TMEM63C: variants seen among roughly 807,000 people sequenced by gnomAD.
The protein encoded by TMEM63C is osmosensitive cation channel TMEM63C.
TMEM63C carries 32 observed loss-of-function variants against 99.2 expected under a neutral mutation model. The ratio of observed to expected loss-of-function variants is 0.32; its 90% CI spans 0.24 to 0.43. The LOEUF is 0.43. Ranked by LOEUF, TMEM63C falls within the 20% of genes least tolerant of loss-of-function variation. TMEM63C has a pLI of 1.00. For synonymous variants in TMEM63C, 376 were observed against 397.9 expected (o/e 0.94, Z 0.66); for missense variants, 826 against 1,053.0 (o/e 0.78, Z 2.98).
At chr14:77,220,113 G>A (rs746347928) in intron 5 of TMEM63C, 26 bp downstream of exon 5, 2 of 1,548,884 alleles carry the variant, frequency 1.3e-6, no homozygotes, top group South Asian at 2.4e-5. Context: ...GGTCTGGGCG[G>A]TGGGAGTCCC....
intron 2 of TMEM63C, among the ~76,000 whole-genome samples, chr14:77,218,240 A>AGGTG (rs374116600): frequency 7.2e-6 from 1 of 138,388 alleles, no homozygotes; most frequent in Non-Finnish European, 1.6e-5. Flanking sequence ...TAAAAAAAAA[A>AGGTG]GAGGGGGGTG....
chr14:77,243,387 TG>T (rs1333970398), intron 15 of TMEM63C, among the ~76,000 whole-genome samples: 1 of 152,094 alleles, frequency 6.6e-6, no homozygotes, highest in Non-Finnish European at 1.5e-5. Flanking sequence ...CAGGCCAGCT[TG>T]GGGTCCAGAG....
chr14:77,248,413 C>T lies in TMEM63C; in HGVS notation c.1668C>T (p.Gly556=). 3.1e-6 allele frequency: 5 copies of T among 1,601,898 alleles called. No homozygotes were observed. Among genetic ancestry groups the T allele is most frequent in the Non-Finnish European group, 4.3e-6 (5 of 1,174,294 alleles). The stretch of plus-strand genomic sequence containing the variant: ...ACGTGATCACGGCAGCTTTACTTGG[C>T]ACAGGCATGGAGCTGCTGCGTCTGG... ...VNYVITAALL[G]TGMELLRLGS... Residue 556 remains glycine, a synonymous_variant, in exon 19 of 24, where the codon GGC becomes GGT. Transcript: ENST00000298351.
At chr14:77,217,405 C>T (rs1173773380) in intron 2 of TMEM63C, among the ~76,000 whole-genome samples, 1 of 152,258 alleles carries the variant, frequency 6.6e-6, no homozygotes, top group Non-Finnish European at 1.5e-5. Flanking sequence ...CATCCCTCCA[C>T]TTTGTCTCCC....
intron 18 of TMEM63C, among the ~76,000 whole-genome samples, chr14:77,247,753 G>A (rs1272354486): frequency 6.6e-6 from 1 of 151,764 alleles, no homozygotes; most frequent in East Asian, 2.0e-4. Context: ...TGCTCTATAA[G>A]GCAAGGACCA....
intron 21 of TMEM63C, 130 bp from the exon 22 acceptor site, chr14:77,251,659 T>C: frequency 2.9e-6 from 2 of 688,926 alleles, no homozygotes; most frequent in Non-Finnish European, 5.2e-6. Context: ...TAGATGCCAG[T>C]TGTTATCAGA....
chr14:77,240,223 C>T (rs1347888647), intron 12 of TMEM63C, among the ~76,000 whole-genome samples: 1 of 152,224 alleles, frequency 6.6e-6, no homozygotes, highest in Non-Finnish European at 1.5e-5. Flanking sequence ...TGGGGTCCAC[C>T]CCAAGCCTGA....
chr14:77,221,659 A>C (rs1183486210), intron 5 of TMEM63C, among the ~76,000 whole-genome samples: 18 of 53,468 alleles, frequency 3.4e-4, no homozygotes, highest in Admixed American at 8.8e-4. Context: ...CTCCCCTCCC[A>C]CCCACGCCTC....
chr14:77,229,607 C>T (rs1291234027), intron 6 of TMEM63C, among the ~76,000 whole-genome samples: 1 of 88,766 alleles, frequency 1.1e-5, no homozygotes, highest in African/African-American at 4.4e-5. Flanking sequence ...GCTACCACAC[C>T]CAGCTAATAT....
intron 14 of TMEM63C, among the ~76,000 whole-genome samples, chr14:77,242,701 A>AT (rs3214404): frequency 0.2 from 30,041 of 150,806 alleles, 3,873 homozygotes; most frequent in African/African-American, 0.37. Flanking sequence ...ACTCAGGTCC[A>AT]TTTTTTTTTG....
chr14:77,217,406 T>C (rs1888608608), intron 2 of TMEM63C, among the ~76,000 whole-genome samples: 1 of 152,230 alleles, frequency 6.6e-6, no homozygotes, highest in African/African-American at 2.4e-5. Flanking sequence ...ATCCCTCCAC[T>C]TTGTCTCCCC....
At chr14:77,206,966 T>A (rs1030346333) in intron 1 of TMEM63C, among the ~76,000 whole-genome samples, 1 of 152,200 alleles carries the variant, frequency 6.6e-6, no homozygotes, top group African/African-American at 2.4e-5. Flanking sequence ...TTTACCTTTT[T>A]AACACAGGCA....
rs1555347249 is a variant in TMEM63C at position 77,215,614 on chromosome 14, A to AGAAAAGAAAAGAAAAGAAAAGAAAAG, written c.-14+2106_-14+2107insGAAAAGAAAAGAAAAGAAAAGAAAAG. ...AGACTCTGTCTCAAAAAAAAAAAAA[A>AGAAAAGAAAAGAAAAGAAAAGAAAAG]AAAAGAAAAGAAAAGAAAAAGAAAC... On this transcript the variant is annotated intron_variant, in intron 2 of 23. Transcript: ENST00000298351. Among the ~76,000 whole-genome samples, 109 of 76,542 alleles carry AGAAAAGAAAAGAAAAGAAAAGAAAAG rather than the reference A, an allele frequency of 1.4e-3. 3 individuals are homozygous for AGAAAAGAAAAGAAAAGAAAAGAAAAG. In the East Asian group the frequency reaches 0.032, roughly 22 times the overall value. The allele number at this position is 76,542 out of a possible 152,430, so 50.2% of individuals were successfully genotyped here.
At chr14:77,207,485 C>T (rs1048190072) in intron 1 of TMEM63C, among the ~76,000 whole-genome samples, 1 of 152,220 alleles carries the variant, frequency 6.6e-6, no homozygotes, top group African/African-American at 2.4e-5. Context: ...AAATACAGTC[C>T]TCCTGGAATT....
chr14:77,238,563 C>T (rs1889102312), intron 9 of TMEM63C, 131 bp from the exon 10 acceptor site: 1 of 717,082 alleles, frequency 1.4e-6, no homozygotes, highest in African/African-American at 1.8e-5. Context: ...TTGGCTCTCT[C>T]AGCAAGGAGG....
intron 1 of TMEM63C, among the ~76,000 whole-genome samples, chr14:77,187,464 C>G (rs1566614413): frequency 6.6e-6 from 1 of 152,188 alleles, no homozygotes; most frequent in Non-Finnish European, 1.5e-5. Flanking sequence ...GGGGCTGAGC[C>G]GAGGCAAAGG....
At chr14:77,238,630 T>C in intron 9 of TMEM63C, 64 bp from the exon 10 acceptor site, 2 of 1,350,116 alleles carry the variant, frequency 1.5e-6, no homozygotes, top group Non-Finnish European at 2.1e-6. Context: ...ACCAAAAGAC[T>C]GAGGTGTCTG....
chr14:77,250,437 T>TA (rs1363497867), intron 21 of TMEM63C, among the ~76,000 whole-genome samples: 1 of 151,000 alleles, frequency 6.6e-6, no homozygotes, highest in African/African-American at 2.4e-5. Context: ...TTTCTTTTTT[T>TA]TTTTTTTTCT....
intron 1 of TMEM63C, among the ~76,000 whole-genome samples, chr14:77,200,249 CT>C (rs1462031776): frequency 1.3e-5 from 2 of 152,318 alleles, no homozygotes; most frequent in East Asian, 3.9e-4. Flanking sequence ...GGAGTTTGTG[CT>C]CTAGTTGAGG....
Sources: gnomAD v4.1 joint callset for allele counts (sites outside exome capture counted in the v4.1 genomes callset) on GRCh38, gnomAD v4.1.1 for gene constraint, MANE v1.5 for transcripts, NCBI Gene and HGNC (gene_info 2026-07-23, HGNC 2026-07-21) for gene names.